WWOX: variants seen among roughly 807,000 people sequenced by gnomAD.
WWOX encodes the protein WW domain containing oxidoreductase.
A neutral mutation model predicts 46.2 loss-of-function variants in WWOX; 69 were observed. The observed-to-expected ratio is 1.49, with a 90% CI of 1.23 to 1.82. The LOEUF (loss-of-function observed/expected upper bound fraction) is 1.82. Ranked by LOEUF, WWOX falls within the 40% of genes most tolerant of loss-of-function variation. The pLI, the probability that WWOX is intolerant of heterozygous loss-of-function variation, is 0.00. For synonymous variants in WWOX, 359 were observed against 202.6 expected (o/e 1.77, Z -6.56); for missense variants, 919 against 542.6 (o/e 1.69, Z -6.89).
chr16:79,082,151 C>T (rs191401928), intron 8 of WWOX, among the ~76,000 whole-genome samples: 4 of 152,176 alleles, frequency 2.6e-5, no homozygotes, highest in East Asian at 1.9e-4. Flanking sequence ...GGGTAAAGCC[C>T]GGGAGAGGTT....
chr16:79,070,159 A>G lies in WWOX; in HGVS notation c.1057-141449A>G, dbSNP rs180966872. 1.2e-4 allele frequency among the ~76,000 whole-genome samples: 19 copies of G among 152,330 alleles called. No individual in the cohort carries two copies. The East Asian group carries it at 2.1e-3, about 17-fold the overall frequency. On this transcript the variant is annotated intron_variant, in intron 8 of 8. Transcript: ENST00000566780. Reference sequence around the variant, plus strand: ...AAGCTATTTCCCTAATACCAAGGCAATGCAGGTCAGCTGCAGTGCCTAATG... The same window carrying G: ...AAGCTATTTCCCTAATACCAAGGCAGTGCAGGTCAGCTGCAGTGCCTAATG...
At position 78,432,484 on chromosome 16, in the gene WWOX, T is replaced by A. The variant is rs772701306; in HGVS notation, c.792-4T>A. 1.9e-6 allele frequency: 3 copies of A among 1,613,920 alleles called. No individual in the cohort carries two copies. The highest frequency in any genetic ancestry group is 2.5e-6 in the Non-Finnish European group (3 of 1,180,002). The stretch of plus-strand genomic sequence containing the variant: ...TGCTTCATGTCATATTTCCTATTTT[T>A]AAGATTTACAGATATTAACGACTCC... On this transcript the variant is annotated splice_region_variant and splice_polypyrimidine_tract_variant and intron_variant, in intron 7 of 8. Coordinates refer to ENST00000566780, the MANE Select transcript of WWOX (RefSeq NM_016373.4).
chr16:78,393,261 G>A (rs902859231), intron 6 of WWOX, among the ~76,000 whole-genome samples: 1 of 152,166 alleles, frequency 6.6e-6, no homozygotes, highest in Admixed American at 6.5e-5. Flanking sequence ...TTCCTTCCTA[G>A]CAGTAGCTGC....
At chr16:78,415,711 C>G (rs56022724) in intron 6 of WWOX, among the ~76,000 whole-genome samples, 10,511 of 152,130 alleles carry the variant, frequency 0.069, 1,197 homozygotes, top group African/African-American at 0.24. Flanking sequence ...AGGGAAGGAG[C>G]TGGTCCCTTT....
chr16:78,827,910 C>T (rs1029797789), intron 8 of WWOX, among the ~76,000 whole-genome samples: 1 of 152,194 alleles, frequency 6.6e-6, no homozygotes, highest in Non-Finnish European at 1.5e-5. Flanking sequence ...GAACCAGGCA[C>T]TGCACCTCCT....
chr16:79,194,065 CTG>C (rs35035063), intron 8 of WWOX, among the ~76,000 whole-genome samples: 1 of 151,898 alleles, frequency 6.6e-6, no homozygotes, highest in Non-Finnish European at 1.5e-5. Context: ...TATGAAGATT[CTG>C]TGTGTGTGTG....
intron 8 of WWOX, among the ~76,000 whole-genome samples, chr16:78,932,761 C>A (rs1305160696): frequency 2.6e-5 from 4 of 152,234 alleles, no homozygotes; most frequent in African/African-American, 4.8e-5. Context: ...TAGGGAGGGA[C>A]CTTCCCAGAA....
chr16:78,165,318 A>G (rs1318937745), intron 5 of WWOX, among the ~76,000 whole-genome samples: 1 of 152,220 alleles, frequency 6.6e-6, no homozygotes, highest in Non-Finnish European at 1.5e-5. Flanking sequence ...GTCTACTGTT[A>G]AGGACAACAG....
At chr16:79,102,570 A>C (rs907848321) in intron 8 of WWOX, among the ~76,000 whole-genome samples, 1 of 152,224 alleles carries the variant, frequency 6.6e-6, no homozygotes, top group Admixed American at 6.5e-5. Context: ...TTGAAGCTCA[A>C]TATATAGCAA....
In WWOX at chr16:78,321,350, G is replaced by GTATATATACGTA. The variant is rs1555519168; in HGVS notation, c.517-65503_517-65502insACGTATATATAT. Among the ~76,000 whole-genome samples, 47 of 34,670 alleles carry GTATATATACGTA rather than the reference G, an allele frequency of 1.4e-3. 1 individual carries two copies. Among genetic ancestry groups the GTATATATACGTA allele is most frequent in the Admixed American group, 0.01 (29 of 2,892 alleles). 22.7% of individuals were successfully genotyped at this position (34,670 alleles called of 152,430 possible). A position where few individuals can be genotyped will look rare whatever the true frequency, so the allele number is the denominator to read the frequency against. The stretch of plus-strand genomic sequence containing the variant: ...TACGTATATATGCGTATATATATAC[G>GTATATATACGTA]TATATATGCGTATATATATACGTAT... On this transcript the variant is annotated intron_variant, in intron 5 of 8. Transcript: ENST00000566780.
At chr16:78,199,519 C>G (rs2036165075) in intron 5 of WWOX, among the ~76,000 whole-genome samples, 2 of 152,166 alleles carry the variant, frequency 1.3e-5, no homozygotes, top group African/African-American at 2.4e-5. Context: ...GACCTTTGTA[C>G]TACCCAGGAA....
chr16:79,155,650 TG>T (rs35321155), intron 8 of WWOX, among the ~76,000 whole-genome samples: 23,051 of 151,930 alleles, frequency 0.15, 2,487 homozygotes, highest in African/African-American at 0.3. Context: ...ATGAATTGCT[TG>T]GGGGATTGTG....
At chr16:78,385,671 G>A (rs1318804463) in intron 5 of WWOX, among the ~76,000 whole-genome samples, 6 of 152,204 alleles carry the variant, frequency 3.9e-5, no homozygotes, top group African/African-American at 1.4e-4. Flanking sequence ...ACTTAGGGTA[G>A]AGGATGTTCT....
intron 8 of WWOX, among the ~76,000 whole-genome samples, chr16:78,888,040 A>G (rs1028445191): frequency 6.6e-6 from 1 of 152,206 alleles, no homozygotes; most frequent in African/African-American, 2.4e-5. Flanking sequence ...ATATAACTGT[A>G]TGGCGATCCT....
intron 8 of WWOX, among the ~76,000 whole-genome samples, chr16:78,779,244 A>C (rs2050266746): frequency 6.6e-6 from 1 of 152,170 alleles, no homozygotes; most frequent in Admixed American, 6.5e-5. Flanking sequence ...TCCCTGGCTC[A>C]AGGGATCCTC....
chr16:78,600,723 G>C (rs2045601659), intron 8 of WWOX, among the ~76,000 whole-genome samples: 1 of 152,202 alleles, frequency 6.6e-6, no homozygotes, highest in African/African-American at 2.4e-5. Flanking sequence ...GGCCATGAAA[G>C]CATAAGCCCT....
chr16:78,621,661 G>A (rs970714665), intron 8 of WWOX, among the ~76,000 whole-genome samples: 4 of 121,386 alleles, frequency 3.3e-5, no homozygotes, highest in East Asian at 5.3e-4. Flanking sequence ...CTGGAGTGCA[G>A]TGGCACCATC....
intron 8 of WWOX, among the ~76,000 whole-genome samples, chr16:78,869,749 A>C (rs1290303568): frequency 6.6e-6 from 1 of 152,246 alleles, no homozygotes; most frequent in Non-Finnish European, 1.5e-5. Context: ...GTTTCTAAAC[A>C]ACAATAAGTC....
chr16:78,948,022 T>A (rs191445262), intron 8 of WWOX, among the ~76,000 whole-genome samples: 1 of 152,206 alleles, frequency 6.6e-6, no homozygotes, highest in African/African-American at 2.4e-5. Flanking sequence ...GGTGGGACGA[T>A]GGAGGCCTGA....
Sources: gnomAD v4.1 joint callset for allele counts (sites outside exome capture counted in the v4.1 genomes callset) on GRCh38, gnomAD v4.1.1 for gene constraint, MANE v1.5 for transcripts, NCBI Gene and HGNC (gene_info 2026-07-23, HGNC 2026-07-21) for gene names.